HHIPL2: variants seen among roughly 807,000 people sequenced by gnomAD.
HHIPL2 encodes the protein HHIP-like protein 2.
Under a neutral mutation model 61.0 loss-of-function variants are expected in HHIPL2, and 61 were observed. That is an observed-to-expected ratio of 1.00 (90% CI 0.81 to 1.24). The LOEUF is 1.24. Among genes scored for constraint, HHIPL2 ranks in the 50% most tolerant of loss-of-function variants. The pLI is 0.00. For synonymous variants in HHIPL2, 343 were observed against 357.4 expected, an observed-to-expected ratio of 0.96 and a Z score of 0.45; for missense variants, 885 against 910.2, an observed-to-expected ratio of 0.97 and a Z score of 0.36.
chr1:222,522,916 A>G, intron 8 of HHIPL2, 29 bp from the exon 9 acceptor site: 1 of 1,589,000 alleles, frequency 6.3e-7, no homozygotes, highest in South Asian at 1.1e-5. Flanking sequence ...TTTAGTGAAA[A>G]ATATAAGTCC....
Position 222,522,880 on chromosome 1 carries a change from G to A in HHIPL2, c.1896C>T (p.Val632=). 6.2e-7 allele frequency: 1 copy of A among 1,612,670 alleles called. No individual in the cohort carries two copies. Among genetic ancestry groups the A allele is most frequent in the Non-Finnish European group, 8.5e-7 (1 of 1,179,250 alleles). Residue 632 remains valine, a synonymous_variant, in exon 9 of 9, where the codon GTC becomes GTT. Coordinates refer to ENST00000343410, the MANE Select transcript of HHIPL2 (RefSeq NM_024746.4). The part of the protein sequence containing the change: ...RIPFRPLAKT[V]LDLLKEQSEK... ...CTGATTGTTCCTTTAGCAAGTCCAA[G>A]ACTGTCTCTGAGAAATCAGTATTTA...
chr1:222,526,066 T>A (rs1314660556), intron 7 of HHIPL2, among the ~76,000 whole-genome samples: 1 of 151,930 alleles, frequency 6.6e-6, no homozygotes, highest in Non-Finnish European at 1.5e-5. Context: ...TCAGGATGGA[T>A]ACAATGCATC....
chr1:222,540,164 G>C lies in HHIPL2; in HGVS notation c.1296C>G (p.Ile432Met), dbSNP rs1247547559. Residue 432 changes from isoleucine (I) to methionine (M), a missense_variant, in exon 4 of 9, where the codon ATC (isoleucine) becomes ATG (methionine). Ile to Met is a conservative substitution (Grantham distance 10, BLOSUM62 1). Coordinates refer to ENST00000343410, the MANE Select transcript of HHIPL2 (RefSeq NM_024746.4). ...WRCAVDRGDP[I>M]TRQGRGRIFC... ...ATATCCGGCCTCGGCCCTGGCGCGT[G>C]ATGGGGTCCCCTCGGTCCACAGCAC... The C allele has an allele frequency of 1.9e-6, 3 of 1,614,156 alleles. No individual in the cohort carries two copies. Among genetic ancestry groups the C allele is most frequent in the Non-Finnish European group, 2.5e-6 (3 of 1,180,058 alleles).
At position 222,548,019 on chromosome 1, in the gene HHIPL2, A is replaced by C. The variant is rs1477308675; in HGVS notation, c.26T>G (p.Leu9Arg). The C allele has an allele frequency of 6.4e-7, 1 of 1,573,610 alleles. No individual in the cohort carries two copies. Among genetic ancestry groups the C allele is most frequent in the African/African-American group, 1.4e-5 (1 of 73,962 alleles). Reference protein sequence around the residue: MLRTSTPNLCGGLHCRAPW... With the variant: MLRTSTPNRCGGLHCRAPW... The stretch of plus-strand genomic sequence containing the variant: ...GGCCCGGCAATGCAGACCACCACAC[A>C]GATTAGGAGTGGACGTTCTCAGCAT... Residue 9 changes from leucine to arginine, a missense_variant, in exon 1 of 9, where the codon CTG (leucine) becomes CGG (arginine). Physicochemically the swap from Leu to Arg is moderately radical, Grantham distance 102. Transcript: ENST00000343410.
chr1:222,543,696 C>T lies in HHIPL2; in HGVS notation c.815G>A (p.Arg272Lys). ...VLTTPWIGDE[R>K]GFLGLAFHPK... ...GTGAAAAGCCAACCCCAAGAAGCCT[C>T]TCTCATCCCCGATCCATGGGGTGGT... The change falls in exon 2 of 9, where the codon AGA (arginine) becomes AAA (lysine). Residue 272 changes from arginine to lysine, a missense_variant. Transcript: ENST00000343410. 6.2e-7 allele frequency: 1 copy of T among 1,614,198 alleles called. No individual in the cohort carries two copies. The highest frequency in any genetic ancestry group is 8.5e-7 in the Non-Finnish European group (1 of 1,180,040).
intron 8 of HHIPL2, 47 bp from the exon 9 acceptor site, chr1:222,522,934 T>C (rs371073377): frequency 3.3e-6 from 5 of 1,522,538 alleles, no homozygotes; most frequent in Admixed American, 2.0e-5. Context: ...TCCCAGAAAG[T>C]AGCTATAAGA....
intron 5 of HHIPL2, among the ~76,000 whole-genome samples, chr1:222,534,500 C>A (rs1302729127): frequency 1.3e-5 from 2 of 150,526 alleles, no homozygotes; most frequent in East Asian, 3.9e-4. Context: ...GGGCGTGAAC[C>A]CGGGAGGCGG....
At chr1:222,538,824 G>C (rs904851186) in intron 4 of HHIPL2, 50 bp from the exon 5 acceptor site, 2 of 1,598,712 alleles carry the variant, frequency 1.3e-6, no homozygotes, top group Non-Finnish European at 1.7e-6. Flanking sequence ...AAAATTGAAA[G>C]CTTCAAGGAG....
intron 7 of HHIPL2, among the ~76,000 whole-genome samples, chr1:222,525,827 C>T (rs997546927): frequency 9.9e-5 from 15 of 151,936 alleles, no homozygotes; most frequent in Admixed American, 1.3e-4. Context: ...GGCAAAACCC[C>T]GTCTCTACTG....
chr1:222,542,175 C>A lies in HHIPL2; in HGVS notation c.975-20G>T. Reference sequence around the variant, plus strand: ...ATGACCCTGGAAGAGAAAAAAGAAACCACACGTTAGGATTTGACACAAGCT... The same window carrying A: ...ATGACCCTGGAAGAGAAAAAAGAAAACACACGTTAGGATTTGACACAAGCT... On this transcript the variant is annotated intron_variant, in intron 2 of 8. Coordinates refer to ENST00000343410, the MANE Select transcript of HHIPL2 (RefSeq NM_024746.4). 6.2e-7 allele frequency: 1 copy of A among 1,611,094 alleles called. No homozygotes were observed. Among genetic ancestry groups the A allele is most frequent in the Non-Finnish European group, 8.5e-7 (1 of 1,179,354 alleles).
chr1:222,543,289 T>C (rs1005839001), intron 2 of HHIPL2, among the ~76,000 whole-genome samples: 5 of 152,212 alleles, frequency 3.3e-5, no homozygotes, highest in African/African-American at 1.2e-4. Context: ...TGCTGGTCCT[T>C]ACTTACCCTT....
chr1:222,522,492 C>T lies in HHIPL2; in HGVS notation c.*109G>A. The T allele has an allele frequency of 1.6e-6, 2 of 1,243,568 alleles. No individual in the cohort carries two copies. The highest frequency in any genetic ancestry group is 2.2e-6 in the Non-Finnish European group (2 of 894,888). The allele number at this position is 1,243,568 out of a possible 1,614,324, so 77.0% of individuals were successfully genotyped here. ...GGAGAGGAAAACCGCCCTGCCCCAC[C>T]TCTACCCTGGCTTCCCAGACTTCTA... On this transcript the variant is annotated 3_prime_UTR_variant, in exon 9 of 9. Coordinates refer to ENST00000343410, the MANE Select transcript of HHIPL2 (RefSeq NM_024746.4).
At chr1:222,537,544 T>C (rs916386141) in intron 5 of HHIPL2, among the ~76,000 whole-genome samples, 5 of 149,706 alleles carry the variant, frequency 3.3e-5, no homozygotes, top group African/African-American at 1.2e-4. Flanking sequence ...GGCAGGAGAA[T>C]GGCGTGAACC....
chr1:222,538,493 G>A (rs1405685833), intron 5 of HHIPL2, among the ~76,000 whole-genome samples, 155 bp downstream of exon 5: 1 of 151,940 alleles, frequency 6.6e-6, no homozygotes, highest in African/African-American at 2.4e-5. Context: ...GAAGTGTTCT[G>A]CCTCTTGATA....
chr1:222,538,581 T>G, intron 5 of HHIPL2, 67 bp downstream of exon 5: 1 of 1,403,418 alleles, frequency 7.1e-7, no homozygotes, highest in Non-Finnish European at 1.0e-6. Flanking sequence ...TTTCACCATA[T>G]GTAAGTTATA....
Position 222,522,537 on chromosome 1 carries a change from A to G in HHIPL2, c.*64T>C, listed in dbSNP as rs1296736875. 6.5e-7 allele frequency: 1 copy of G among 1,541,070 alleles called. No individual in the cohort carries two copies. The highest frequency in any genetic ancestry group is 8.8e-7 in the Non-Finnish European group (1 of 1,136,656). On this transcript the variant is annotated 3_prime_UTR_variant, in exon 9 of 9. Transcript: ENST00000343410. ...CTTCTAAGGTCTTTATTCAGCAGTG[A>G]CTTTCATTTGATGAGGTGGCTCTCC...
chr1:222,539,932 A>C, intron 4 of HHIPL2, 78 bp downstream of exon 4: 1 of 1,191,962 alleles, frequency 8.4e-7, no homozygotes, highest in South Asian at 1.4e-5. Flanking sequence ...AGGGCAGGAC[A>C]TTCAGGTTTT....
chr1:222,539,373 T>C (rs952464116), intron 4 of HHIPL2, among the ~76,000 whole-genome samples: 1 of 150,854 alleles, frequency 6.6e-6, no homozygotes, highest in African/African-American at 2.4e-5. Flanking sequence ...CTACTAAAAA[T>C]AAAAAAATTA....
At position 222,544,189 on chromosome 1, in the gene HHIPL2, C is replaced by T; in HGVS notation, c.322G>A (p.Glu108Lys). The T allele has an allele frequency of 6.2e-7, 1 of 1,607,036 alleles. No homozygotes were observed. Among genetic ancestry groups the T allele is most frequent in the South Asian group, 1.1e-5 (1 of 90,930 alleles). The change falls in exon 2 of 9, where the codon GAG becomes AAG. Residue 108 changes from glutamate (E) to lysine (K), a missense_variant and splice_region_variant. Coordinates refer to ENST00000343410, the MANE Select transcript of HHIPL2 (RefSeq NM_024746.4). Reference sequence around the variant, plus strand: ...AGGTGGGCTGCGTAGGGCGAGCACTCCTAAAAAAGAACGCGGAGCTCAGGC... The same window carrying T: ...AGGTGGGCTGCGTAGGGCGAGCACTTCTAAAAAAGAACGCGGAGCTCAGGC... ...GDYIKDILCQ[E>K]CSPYAAHLYD...
Sources: gnomAD v4.1 joint callset for allele counts (sites outside exome capture counted in the v4.1 genomes callset) on GRCh38, gnomAD v4.1.1 for gene constraint, MANE v1.5 for transcripts, NCBI Gene and HGNC (gene_info 2026-07-23, HGNC 2026-07-21) for gene names.